Variants in ANO5 observed in about 807,000 individuals in gnomAD.
ANO5 encodes the protein anoctamin 5, also known as anoctamin-5.
A neutral mutation model predicts 121.0 loss-of-function variants in ANO5; 109 were observed. The ratio of observed to expected loss-of-function variants is 0.90; its 90% CI spans 0.77 to 1.06. The LOEUF (loss-of-function observed/expected upper bound fraction) is 1.06. Ranked by LOEUF, ANO5 falls within the 50% of genes least tolerant of loss-of-function variation. The probability of loss-of-function intolerance (pLI) is 0.00; values close to 1 mark genes in which losing one functional copy is unlikely to be tolerated. For missense variants in ANO5, 1,064 were observed against 1,078.5 expected (o/e 0.99, Z 0.19); for synonymous variants, 406 against 359.9 (o/e 1.13, Z -1.45).
At chr11:22,204,447 T>C (rs187923113) in intron 2 of ANO5, among the ~76,000 whole-genome samples, 11 of 152,242 alleles carry the variant, frequency 7.2e-5, no homozygotes, top group African/African-American at 2.6e-4. Context: ...AAGAATCCCA[T>C]GCATAGCTCT....
chr11:22,202,141 A>G (rs10766918), intron 1 of ANO5, among the ~76,000 whole-genome samples: 114,950 of 146,716 alleles, frequency 0.78, 44,774 homozygotes, highest in South Asian at 0.81. Flanking sequence ...TAGCAAAGCT[A>G]TGACCCATAA....
chr11:22,197,698 T>C (rs1303120454), intron 1 of ANO5, among the ~76,000 whole-genome samples: 1 of 152,228 alleles, frequency 6.6e-6, no homozygotes, highest in Admixed American at 6.5e-5. Context: ...GTGGATTTGC[T>C]GGAGTGTGTA....
chr11:22,223,273 G>A (rs1255274179), intron 5 of ANO5, among the ~76,000 whole-genome samples: 1 of 151,990 alleles, frequency 6.6e-6, no homozygotes, highest in African/African-American at 2.4e-5. Context: ...AGCAAAACGA[G>A]CAAGGGAAAA....
At chr11:22,279,461 T>TAAGTGAAATGATTTGTA in intron 21 of ANO5, 83 bp from the exon 22 acceptor site, 1 of 1,184,776 alleles carries the variant, frequency 8.4e-7, no homozygotes, top group Non-Finnish European at 1.2e-6. Context: ...GTTTCTTAAA[T>TAAGTGAAATGATTTGTA]AAGTGAAATG....
intron 9 of ANO5, among the ~76,000 whole-genome samples, chr11:22,242,554 C>G (rs562791578): frequency 1.3e-5 from 2 of 152,058 alleles, no homozygotes; most frequent in South Asian, 2.1e-4. Context: ...TTATTTGTGT[C>G]ATCTCTGATT....
At chr11:22,234,718 C>T (rs1853157218) in intron 7 of ANO5, among the ~76,000 whole-genome samples, 1 of 152,106 alleles carries the variant, frequency 6.6e-6, no homozygotes, top group Admixed American at 6.6e-5. Context: ...TACATCTATC[C>T]TTACCCTTGC....
chr11:22,233,659 A>C lies in ANO5; in HGVS notation c.649-2504A>C, dbSNP rs146348396. On this transcript the variant is annotated intron_variant, in intron 7 of 21. Coordinates refer to ENST00000324559, the MANE Select transcript of ANO5 (RefSeq NM_213599.3). The stretch of plus-strand genomic sequence containing the variant: ...AAAGGTGGATGCCTAATGATTTCTC[A>C]TTGAAACTCTTGCAAAAATTGCCCT... Among the ~76,000 whole-genome samples the C allele has an allele frequency of 3.4e-3, 513 of 152,190 alleles. 2 individuals carry two copies. Among genetic ancestry groups the C allele is most frequent in the African/African-American group, 0.012 (494 of 41,560 alleles).
intron 19 of ANO5, among the ~76,000 whole-genome samples, chr11:22,274,271 A>C (rs1429186587): frequency 1.3e-5 from 2 of 152,072 alleles, no homozygotes; most frequent in African/African-American, 4.8e-5. Flanking sequence ...TGAAACAATA[A>C]GAAATGTAAG....
chr11:22,197,657 AG>A (rs1251690078), intron 1 of ANO5, among the ~76,000 whole-genome samples: 3 of 152,324 alleles, frequency 2.0e-5, no homozygotes, highest in African/African-American at 7.2e-5. Flanking sequence ...TGAGAAGACC[AG>A]TTGGTAAGTA....
chr11:22,221,359 C>A, intron 5 of ANO5, 149 bp downstream of exon 5: 2 of 700,812 alleles, frequency 2.9e-6, no homozygotes, highest in Non-Finnish European at 4.9e-6. Context: ...GTAAAGTAGG[C>A]AGCCTAAGAA....
chr11:22,275,337 T>C (rs1235134923), intron 20 of ANO5, among the ~76,000 whole-genome samples: 1 of 146,956 alleles, frequency 6.8e-6, no homozygotes, highest in Non-Finnish European at 1.5e-5. Context: ...CACACGCTTA[T>C]CAAGGCCACT....
At chr11:22,262,733 CTG>C (rs1854231761) in intron 16 of ANO5, among the ~76,000 whole-genome samples, 1 of 152,150 alleles carries the variant, frequency 6.6e-6, no homozygotes. Flanking sequence ...ACCCAGAAAT[CTG>C]TGTTTTTTAA....
chr11:22,193,498 C>T lies in ANO5; in HGVS notation c.6C>T (p.Gly2=), dbSNP rs781074405. Residue 2 remains glycine (G), a synonymous_variant, in exon 1 of 22, where the codon GGC becomes GGT. Coordinates refer to ENST00000324559, the MANE Select transcript of ANO5 (RefSeq NM_213599.3). M[G]DPDLLEVLAE... Reference sequence around the variant, plus strand: ...CCATTAACGAGCTGGCGAAGATGGGCGACCCGGATCTCCTGGAAGTGTTGG... The same window carrying T: ...CCATTAACGAGCTGGCGAAGATGGGTGACCCGGATCTCCTGGAAGTGTTGG... The T allele has an allele frequency of 5.0e-6, 8 of 1,612,698 alleles. No individual in the cohort carries two copies. In the African/African-American group the frequency reaches 5.3e-5, roughly 11 times the overall value.
At chr11:22,268,719 A>G (rs1854459875) in intron 17 of ANO5, among the ~76,000 whole-genome samples, 2 of 152,224 alleles carry the variant, frequency 1.3e-5, no homozygotes, top group South Asian at 4.1e-4. Flanking sequence ...TTTCCCAAGT[A>G]AGAATGCTGT....
intron 9 of ANO5, among the ~76,000 whole-genome samples, chr11:22,247,358 C>T (rs774496288): frequency 2.0e-5 from 3 of 151,932 alleles, no homozygotes; most frequent in Non-Finnish European, 4.4e-5. Context: ...GGATATTGCT[C>T]AATTTTTCTT....
In ANO5 at chr11:22,259,630, T is replaced by C; in HGVS notation, c.1519T>C (p.Phe507Leu). 6.2e-7 allele frequency: 1 copy of C among 1,614,050 alleles called. No individual in the cohort carries two copies. The highest frequency in any genetic ancestry group is 8.5e-7 in the Non-Finnish European group (1 of 1,179,940). The change falls in exon 15 of 22, where the codon TTC becomes CTC. Residue 507 changes from phenylalanine to leucine, a missense_variant. Physicochemically the swap from Phe to Leu is conservative, Grantham distance 22. Transcript: ENST00000324559. ...SDASLKQVKSFLTPQITTSLT... is the reference protein window; with the variant it reads ...SDASLKQVKSLLTPQITTSLT... ...TGCATCCTTAAAGCAGGTCAAAAGC[T>C]TCCTTACTCCTCAGATAACCACATC...
chr11:22,263,126 C>A (rs1854251314), intron 17 of ANO5, 83 bp downstream of exon 17: 2 of 1,144,212 alleles, frequency 1.7e-6, no homozygotes, highest in Non-Finnish European at 2.6e-6. Flanking sequence ...TTTTTGATTA[C>A]CATGGTGCCT....
intron 9 of ANO5, among the ~76,000 whole-genome samples, chr11:22,247,065 G>A (rs1853649422): frequency 6.6e-6 from 1 of 152,012 alleles, no homozygotes; most frequent in African/African-American, 2.4e-5. Flanking sequence ...TTACAGCACA[G>A]TAATACTCCA....
chr11:22,252,723 G>A (rs1342569945), intron 12 of ANO5, among the ~76,000 whole-genome samples: 2 of 151,488 alleles, frequency 1.3e-5, no homozygotes, highest in South Asian at 2.1e-4. Flanking sequence ...TCTTGTTTTT[G>A]TGTTTCTTTA....
Sources: allele counts gnomAD v4.1 joint callset (sites outside exome capture counted in the v4.1 genomes callset), GRCh38; gene constraint gnomAD v4.1.1; transcripts MANE v1.5; gene names NCBI Gene and HGNC (gene_info 2026-07-23, HGNC 2026-07-21).